Variants in AUTS2 observed in about 807,000 individuals in gnomAD.
The protein encoded by AUTS2 is autism susceptibility gene 2 protein.
A neutral mutation model predicts 112.4 loss-of-function variants in AUTS2; 17 were observed. That is an observed-to-expected ratio of 0.15 (90% CI 0.10 to 0.23). The LOEUF (loss-of-function observed/expected upper bound fraction) is 0.23. Ranked by LOEUF, AUTS2 falls within the 10% of genes least tolerant of loss-of-function variation. AUTS2 has a pLI of 1.00. For missense variants in AUTS2, 1,510 were observed against 1,701.6 expected (o/e 0.89, Z 1.98); for synonymous variants, 751 against 702.7 (o/e 1.07, Z -1.09).
In AUTS2 at chr7:70,790,736, T is replaced by TCCCTC; in HGVS notation, c.3521_3525dup (p.Asp1176ProfsTer44). 1 of 1,613,062 alleles carries TCCCTC rather than the reference T, an allele frequency of 6.2e-7. No individual in the cohort carries two copies. The highest frequency in any genetic ancestry group is 8.5e-7 in the Non-Finnish European group (1 of 1,179,870). Reference sequence around the variant, plus strand: ...GCGGCTCCACTCCGTGCACCCCGCCTCCCTCGACGGACACCTCCCCCACCC... The same window carrying TCCCTC: ...GCGGCTCCACTCCGTGCACCCCGCCTCCCTCCCCTCGACGGACACCTCCCCCACCC... On this transcript the variant is annotated frameshift_variant, in exon 19 of 19. Transcript: ENST00000342771. LOFTEE classifies it high-confidence loss of function. This position sits in a 1 kb window ranked among gnomAD's most constrained non-coding sequence, Gnocchi z 7.6.
At position 70,546,757 on chromosome 7, in the gene AUTS2, C is replaced by T. The variant is rs1477297625; in HGVS notation, c.690+110976C>T. ...TCATGCCACTGCACTCCAGCCTGGG[C>T]GACAGAGCGAGACTCTGTCTCAAAA... On this transcript the variant is annotated intron_variant, in intron 5 of 18. Transcript: ENST00000342771. Among the ~76,000 whole-genome samples, 5 of 149,002 alleles carry T rather than the reference C, an allele frequency of 3.4e-5. No individual in the cohort carries two copies. In the South Asian group the frequency reaches 6.4e-4, roughly 19 times the overall value.
intron 5 of AUTS2, among the ~76,000 whole-genome samples, chr7:70,633,716 A>T (rs534616672): frequency 6.6e-6 from 1 of 152,176 alleles, no homozygotes; most frequent in South Asian, 2.1e-4. Context: ...TTGAGGGGAC[A>T]GCTGGGGAAA....
At chr7:70,636,488 C>T (rs528695162) in intron 5 of AUTS2, among the ~76,000 whole-genome samples, 6 of 152,242 alleles carry the variant, frequency 3.9e-5, no homozygotes, top group East Asian at 1.9e-4. Context: ...TATCAGGAGA[C>T]CTGCGTTCAA....
At chr7:70,045,475 G>A (rs1188067108) in intron 2 of AUTS2, among the ~76,000 whole-genome samples, 2 of 151,836 alleles carry the variant, frequency 1.3e-5, no homozygotes, top group East Asian at 3.9e-4. Context: ...TACATAAACT[G>A]TATCATCAAA....
At chr7:70,693,798 CGG>C (rs1479202101) in intron 5 of AUTS2, among the ~76,000 whole-genome samples, 1 of 152,202 alleles carries the variant, frequency 6.6e-6, no homozygotes, top group Admixed American at 6.5e-5. Flanking sequence ...GCGGCAACTG[CGG>C]GGAGGGCGAG....
intron 1 of AUTS2, among the ~76,000 whole-genome samples, chr7:69,745,374 G>A (rs1472968905): frequency 6.6e-6 from 1 of 152,178 alleles, no homozygotes; most frequent in Non-Finnish European, 1.5e-5. Context: ...ATGCCAGTAT[G>A]TTCCATTGCC....
At chr7:70,110,151 AT>A (rs1334811493) in intron 2 of AUTS2, among the ~76,000 whole-genome samples, 3 of 152,058 alleles carry the variant, frequency 2.0e-5, no homozygotes. Flanking sequence ...TTCGCTCTTG[AT>A]TTTCTTAACT....
At chr7:69,756,591 CT>C (rs11458017) in intron 1 of AUTS2, among the ~76,000 whole-genome samples, 3 of 149,824 alleles carry the variant, frequency 2.0e-5, no homozygotes, top group Non-Finnish European at 3.0e-5. Context: ...TTTATTGTAT[CT>C]TTTTTTTTTC....
intron 5 of AUTS2, among the ~76,000 whole-genome samples, chr7:70,630,343 A>G (rs1451446575): frequency 6.6e-6 from 1 of 152,174 alleles, no homozygotes; most frequent in Non-Finnish European, 1.5e-5. Context: ...TCTCTGCTCC[A>G]AATGTACATA....
At chr7:70,699,380 A>T (rs1052167760) in intron 6 of AUTS2, 6 of 152,228 alleles carry the variant, frequency 3.9e-5, no homozygotes, top group African/African-American at 1.4e-4. Context: ...ATAATTGCTA[A>T]GTAAAGATGT....
intron 1 of AUTS2, among the ~76,000 whole-genome samples, chr7:69,774,501 A>T (rs1339043504): frequency 6.6e-6 from 1 of 152,258 alleles, no homozygotes; most frequent in Non-Finnish European, 1.5e-5. Flanking sequence ...AATGGATACA[A>T]GCACTGAGAT....
rs187009829 is a variant in AUTS2, at chr7:70,535,470, A to G, written c.690+99689A>G. ...CACTCTGTCGCCCAGGCTAGAGTGC[A>G]GTGGCGTGATCTCGGCTCACTGCAA... is the stretch of plus-strand genomic sequence containing the variant. On this transcript the variant is annotated intron_variant, in intron 5 of 18. Coordinates refer to ENST00000342771, the MANE Select transcript of AUTS2 (RefSeq NM_015570.4). Among the ~76,000 whole-genome samples the G allele has an allele frequency of 2.8e-3, 431 of 152,250 alleles. 3 individuals carry two copies. The highest frequency in any genetic ancestry group is 5.1e-3 in the Non-Finnish European group (347 of 68,018).
At chr7:69,853,046 T>C (rs1584342425) in intron 1 of AUTS2, among the ~76,000 whole-genome samples, 1 of 152,200 alleles carries the variant, frequency 6.6e-6, no homozygotes, top group East Asian at 1.9e-4. Context: ...GTTTGTATTA[T>C]ATCCCAGGAT....
intron 4 of AUTS2, among the ~76,000 whole-genome samples, chr7:70,151,662 G>A (rs557835394): frequency 9.9e-5 from 15 of 152,084 alleles, no homozygotes; most frequent in African/African-American, 1.4e-4. Flanking sequence ...ATGTTGGCCC[G>A]GCTGGTCTTG....
chr7:70,279,813 G>T (rs1472094399), intron 4 of AUTS2, among the ~76,000 whole-genome samples: 2 of 152,168 alleles, frequency 1.3e-5, no homozygotes, highest in African/African-American at 2.4e-5. Context: ...GGATTAAGTA[G>T]GCCAGAGTGC....
intron 2 of AUTS2, among the ~76,000 whole-genome samples, chr7:69,923,001 T>C (rs911579561): frequency 2.6e-5 from 4 of 152,210 alleles, no homozygotes; most frequent in African/African-American, 9.6e-5. Flanking sequence ...TAACCAGTTG[T>C]TACAATATCA....
intron 3 of AUTS2, among the ~76,000 whole-genome samples, chr7:70,133,855 C>A (rs939305301): frequency 3.3e-5 from 5 of 152,124 alleles, no homozygotes; most frequent in Admixed American, 6.5e-5. Context: ...TTTTTAAATT[C>A]CCTGTGTGTC....
intron 4 of AUTS2, among the ~76,000 whole-genome samples, chr7:70,176,500 A>G (rs1398222810): frequency 2.6e-5 from 4 of 152,208 alleles, no homozygotes; most frequent in South Asian, 2.1e-4. Context: ...ACAACTGTCA[A>G]CTGTTTTTCT....
rs1194801649 is a variant in AUTS2 at position 69,729,467 on chromosome 7, G to A, written c.309+129505G>A. Among the ~76,000 whole-genome samples the A allele has an allele frequency of 2.5e-5, 3 of 122,430 alleles. No individual in the cohort carries two copies. The South Asian group carries it at 7.5e-4, about 31-fold the overall frequency. The allele number at this position is 122,430 out of a possible 152,430, so 80.3% of individuals were successfully genotyped here. On this transcript the variant is annotated intron_variant, in intron 1 of 18. Coordinates refer to ENST00000342771, the MANE Select transcript of AUTS2 (RefSeq NM_015570.4). Reference sequence around the variant, plus strand: ...TTTATTTCTACGATTTATATGTCACGTGAACATCACTTTTTGGTGGTGTGA... The same window carrying A: ...TTTATTTCTACGATTTATATGTCACATGAACATCACTTTTTGGTGGTGTGA...
Sources: gnomAD v4.1 joint callset for allele counts (sites outside exome capture counted in the v4.1 genomes callset) on GRCh38, gnomAD v4.1.1 for gene constraint, Gnocchi (gnomAD v3.1) non-coding constraint, MANE v1.5 for transcripts, NCBI Gene and HGNC (gene_info 2026-07-23, HGNC 2026-07-21) for gene names.